ADGRL2: variants seen among roughly 807,000 people sequenced by gnomAD.
ADGRL2 encodes the protein adhesion G protein-coupled receptor L2, also known as calcium-independent alpha-latrotoxin receptor 2.
A neutral mutation model predicts 157.4 loss-of-function variants in ADGRL2; 44 were observed. That is an observed-to-expected ratio of 0.28 (90% confidence interval 0.22 to 0.36). The LOEUF (loss-of-function observed/expected upper bound fraction) is 0.36, where lower values mean the gene tolerates loss of function less well. Ranked by LOEUF, ADGRL2 falls within the 10% of genes least tolerant of loss-of-function variation. The pLI, the probability that ADGRL2 is intolerant of heterozygous loss-of-function variation, is 1.00. For synonymous variants in ADGRL2, 585 were observed against 624.7 expected (o/e 0.94, Z 0.95); for missense variants, 1,510 against 1,768.9 (o/e 0.85, Z 2.63).
At chr1:81,535,476 A>G (rs973279962) in intron 2 of ADGRL2, among the ~76,000 whole-genome samples, 1 of 152,044 alleles carries the variant, frequency 6.6e-6, no homozygotes, top group Non-Finnish European at 1.5e-5. Flanking sequence ...TTCTCTCTGA[A>G]TGGTAAAGGT....
intron 1 of ADGRL2, among the ~76,000 whole-genome samples, chr1:81,421,958 C>T (rs1485716690): frequency 6.6e-6 from 1 of 152,058 alleles, no homozygotes; most frequent in Non-Finnish European, 1.5e-5. Flanking sequence ...CTCTATATAC[C>T]ATTGAAAGAG....
At chr1:81,500,831 T>C (rs774910334) in intron 2 of ADGRL2, among the ~76,000 whole-genome samples, 11 of 152,190 alleles carry the variant, frequency 7.2e-5, no homozygotes, top group Non-Finnish European at 1.3e-4. Flanking sequence ...GTAAATTTTA[T>C]ATATATTTTC....
chr1:81,662,398 G>A (rs1411306530), intron 3 of ADGRL2, among the ~76,000 whole-genome samples: 1 of 151,814 alleles, frequency 6.6e-6, no homozygotes, highest in East Asian at 1.9e-4. Context: ...TGGGATTACA[G>A]GTGCATGCCA....
intron 1 of ADGRL2, among the ~76,000 whole-genome samples, chr1:81,337,362 T>C (rs1336943372): frequency 6.6e-6 from 1 of 152,168 alleles, no homozygotes; most frequent in Non-Finnish European, 1.5e-5. Context: ...TAGATGCTGC[T>C]GTGGTGCGGC....
intron 2 of ADGRL2, among the ~76,000 whole-genome samples, chr1:81,789,925 A>G (rs1305035794): frequency 6.6e-6 from 1 of 152,150 alleles, no homozygotes; most frequent in African/African-American, 2.4e-5. Context: ...TTGACAACTT[A>G]GTGAGTCATA....
intron 2 of ADGRL2, among the ~76,000 whole-genome samples, chr1:81,519,339 C>T (rs2079256718): frequency 6.6e-6 from 1 of 152,072 alleles, no homozygotes; most frequent in Non-Finnish European, 1.5e-5. Flanking sequence ...TATTTGACTT[C>T]CTGACTCATA....
chr1:81,838,667 A>G (rs931180290), intron 2 of ADGRL2, among the ~76,000 whole-genome samples: 11 of 152,106 alleles, frequency 7.2e-5, no homozygotes, highest in African/African-American at 2.4e-4. Flanking sequence ...GTGTGGACCA[A>G]TGGCTCATTA....
chr1:81,376,443 A>G (rs1353144533), intron 1 of ADGRL2, among the ~76,000 whole-genome samples: 3 of 152,202 alleles, frequency 2.0e-5, no homozygotes, highest in Non-Finnish European at 4.4e-5. Flanking sequence ...ACTAAACCCA[A>G]AGTAATTCCA....
chr1:81,409,159 G>A (rs1231208829), intron 1 of ADGRL2, among the ~76,000 whole-genome samples: 2 of 152,086 alleles, frequency 1.3e-5, no homozygotes, highest in Non-Finnish European at 2.9e-5. Flanking sequence ...ACAAACCCCT[G>A]TTCTTTTTCT....
At chr1:81,419,878 C>T (rs1189430441) in intron 1 of ADGRL2, among the ~76,000 whole-genome samples, 1 of 152,148 alleles carries the variant, frequency 6.6e-6, no homozygotes, top group Non-Finnish European at 1.5e-5. Context: ...GGTCTAACTG[C>T]CTTCTCTGTC....
chr1:81,973,649 C>A (rs1659394766), intron 17 of ADGRL2, among the ~76,000 whole-genome samples: 1 of 152,166 alleles, frequency 6.6e-6, no homozygotes, highest in Non-Finnish European at 1.5e-5. Flanking sequence ...TTATGTTGTT[C>A]ATTTATAGTA....
At chr1:81,863,138 A>T (rs936513170) in intron 2 of ADGRL2, among the ~76,000 whole-genome samples, 9 of 152,248 alleles carry the variant, frequency 5.9e-5, no homozygotes, top group African/African-American at 2.2e-4. Flanking sequence ...AGCCGGTGCT[A>T]GCTGGTGTCA....
intron 1 of ADGRL2, among the ~76,000 whole-genome samples, chr1:81,385,221 CTAT>C (rs2076414634): frequency 6.6e-6 from 1 of 152,114 alleles, no homozygotes; most frequent in South Asian, 2.1e-4. Flanking sequence ...TTAAAACCCA[CTAT>C]TATTCTTTAG....
At chr1:81,826,559 G>A (rs2149996552) in intron 1 of ADGRL2, among the ~76,000 whole-genome samples, 1 of 152,312 alleles carries the variant, frequency 6.6e-6, no homozygotes, top group East Asian at 1.9e-4. Flanking sequence ...ATTTGGCAGA[G>A]AAGTATTAAC....
At chr1:81,846,855 A>G (rs956687376) in intron 2 of ADGRL2, among the ~76,000 whole-genome samples, 4 of 151,984 alleles carry the variant, frequency 2.6e-5, no homozygotes, top group Non-Finnish European at 4.4e-5. Flanking sequence ...GGATTTTAAG[A>G]GGCTACTTTT....
Position 81,950,309 on chromosome 1 carries a change from G to C in ADGRL2, c.1331G>C (p.Gly444Ala), listed in dbSNP as rs572962964. ...ACAACTGTAGCTGGATCACAGGAAG[G>C]AAGCAAAGGGACAAAACCACCTCCA... The part of the protein sequence containing the change: ...MSTTVAGSQE[G>A]SKGTKPPPAV... Residue 444 changes from glycine (G) to alanine (A), a missense_variant, in exon 7 of 24, where the codon GGA becomes GCA. Physicochemically the swap from Gly to Ala is moderately conservative, Grantham distance 60 (BLOSUM62 0). This residue lies in a region of ADGRL2 where 325 missense variants were observed against 333.2 expected (regional missense o/e 0.98). Transcript: ENST00000686636. 1.5e-5 allele frequency: 25 copies of C among 1,613,892 alleles called. No individual in the cohort carries two copies. The highest frequency in any genetic ancestry group is 9.3e-6 in the Non-Finnish European group (11 of 1,179,964).
chr1:81,798,052 T>C (rs1431564290), upstream of ADGRL2, among the ~76,000 whole-genome samples: 1 of 152,214 alleles, frequency 6.6e-6, no homozygotes, highest in Non-Finnish European at 1.5e-5. Flanking sequence ...ACAATATAGA[T>C]TGAGTAATTA....
intron 3 of ADGRL2, among the ~76,000 whole-genome samples, chr1:81,664,911 A>T (rs1428158249): frequency 6.6e-6 from 1 of 152,126 alleles, no homozygotes; most frequent in Admixed American, 6.6e-5. Flanking sequence ...TTTTATATAT[A>T]TTTATTGAGT....
intron 1 of ADGRL2, among the ~76,000 whole-genome samples, chr1:81,400,467 G>T (rs1473608521): frequency 6.6e-6 from 1 of 152,136 alleles, no homozygotes; most frequent in Non-Finnish European, 1.5e-5. Context: ...TACCCCGGGA[G>T]ACTGGGAACA....
Sources: gnomAD v4.1 joint callset for allele counts (sites outside exome capture counted in the v4.1 genomes callset) on GRCh38, gnomAD v4.1.1 for gene constraint, gnomAD v4.1.1 regional missense constraint, MANE v1.5 for transcripts, NCBI Gene and HGNC (gene_info 2026-07-23, HGNC 2026-07-21) for gene names.